Variants in SUPT3H observed in about 807,000 individuals in gnomAD.
SUPT3H encodes transcription initiation protein SPT3 homolog.
Under a neutral mutation model 44.3 loss-of-function variants are expected in SUPT3H, and 44 were observed. That is an observed-to-expected ratio of 0.99 (90% confidence interval 0.78 to 1.28). The LOEUF (loss-of-function observed/expected upper bound fraction) is 1.28. Ranked by LOEUF, SUPT3H falls within the 50% of genes most tolerant of loss-of-function variation. The pLI is 0.00. For missense variants in SUPT3H, 380 were observed against 387.1 expected (o/e 0.98, Z 0.15); for synonymous variants, 124 against 125.6 (o/e 0.99, Z 0.09).
chr6:45,353,222 G>A (rs892714760), intron 2 of SUPT3H, among the ~76,000 whole-genome samples: 1 of 151,814 alleles, frequency 6.6e-6, no homozygotes, highest in Non-Finnish European at 1.5e-5. Context: ...GCAAAAAGCA[G>A]AAAAAGAAAA....
chr6:45,337,823 T>C (rs1217868418), intron 2 of SUPT3H, among the ~76,000 whole-genome samples: 1 of 151,980 alleles, frequency 6.6e-6, no homozygotes, highest in African/African-American at 2.4e-5. Context: ...TAAATAATTC[T>C]TTTTGCGAAA....
At chr6:45,344,490 G>C (rs1334350599) in intron 2 of SUPT3H, among the ~76,000 whole-genome samples, 1 of 151,630 alleles carries the variant, frequency 6.6e-6, no homozygotes, top group Non-Finnish European at 1.5e-5. Flanking sequence ...TAAATATCCA[G>C]TGGAGAGCCC....
chr6:44,890,832 A>C (rs920279302), intron 10 of SUPT3H, among the ~76,000 whole-genome samples: 2 of 152,102 alleles, frequency 1.3e-5, no homozygotes, highest in Non-Finnish European at 2.9e-5. Flanking sequence ...GGATGAGTTC[A>C]TGTCCTTTGC....
chr6:45,093,024 A>T (rs1015663365), intron 3 of SUPT3H, among the ~76,000 whole-genome samples: 2 of 152,068 alleles, frequency 1.3e-5, no homozygotes, highest in Non-Finnish European at 2.9e-5. Context: ...CATCTAACAC[A>T]ATGTAGTAAA....
intron 6 of SUPT3H, among the ~76,000 whole-genome samples, chr6:44,996,621 T>G (rs1781306848): frequency 6.6e-6 from 1 of 151,880 alleles, no homozygotes; most frequent in South Asian, 2.1e-4. Context: ...AGAAACTTCT[T>G]AAAAGTTTGA....
intron 4 of SUPT3H, among the ~76,000 whole-genome samples, chr6:45,015,110 G>C (rs1326764877): frequency 6.6e-6 from 1 of 152,050 alleles, no homozygotes; most frequent in African/African-American, 2.4e-5. Flanking sequence ...CAAATATTCG[G>C]ATGTTCCAGA....
intron 2 of SUPT3H, among the ~76,000 whole-genome samples, chr6:45,237,350 T>C (rs1185178287): frequency 6.6e-6 from 1 of 152,148 alleles, no homozygotes; most frequent in African/African-American, 2.4e-5. Context: ...AGTAGTTACA[T>C]TTTGCATTGT....
At chr6:45,112,954 GC>G (rs1800287657) in intron 2 of SUPT3H, among the ~76,000 whole-genome samples, 3 of 144,214 alleles carry the variant, frequency 2.1e-5, no homozygotes, top group African/African-American at 7.5e-5. Context: ...GGTCTTGGGA[GC>G]TAGTCACTTT....
chr6:45,029,102 T>C (rs1457632829), intron 3 of SUPT3H, among the ~76,000 whole-genome samples: 1 of 151,694 alleles, frequency 6.6e-6, no homozygotes, highest in Non-Finnish European at 1.5e-5. Context: ...ATAATCGTAT[T>C]ATTCTTTTTT....
intron 3 of SUPT3H, among the ~76,000 whole-genome samples, chr6:45,058,254 T>C (rs1055245801): frequency 1.3e-5 from 2 of 152,118 alleles, no homozygotes; most frequent in Middle Eastern, 3.2e-3. Context: ...ACCAGACTCT[T>C]AGTCCTAGAA....
At chr6:44,980,485 C>T (rs1778951489) in intron 6 of SUPT3H, among the ~76,000 whole-genome samples, 1 of 152,134 alleles carries the variant, frequency 6.6e-6, no homozygotes, top group Admixed American at 6.5e-5. Context: ...TCATTGGCCA[C>T]AACTCAGTCG....
At chr6:45,098,860 G>C (rs1583526290) in intron 3 of SUPT3H, 1 of 549,450 alleles carries the variant, frequency 1.8e-6, no homozygotes, top group East Asian at 4.8e-5. Flanking sequence ...AGTGGCTGCT[G>C]AGAAGTCCTT....
At chr6:45,023,505 T>C (rs1485184434) in intron 3 of SUPT3H, among the ~76,000 whole-genome samples, 2 of 152,004 alleles carry the variant, frequency 1.3e-5, no homozygotes, top group Non-Finnish European at 2.9e-5. Context: ...CTGTTCACAA[T>C]AACAAGGACA....
intron 3 of SUPT3H, among the ~76,000 whole-genome samples, chr6:45,090,049 G>A (rs1451416302): frequency 6.6e-6 from 1 of 151,994 alleles, no homozygotes; most frequent in Non-Finnish European, 1.5e-5. Context: ...GATCAGAGGT[G>A]ATATAATATC....
chr6:45,037,078 C>T (rs1289813951), intron 3 of SUPT3H, among the ~76,000 whole-genome samples: 1 of 151,712 alleles, frequency 6.6e-6, no homozygotes. Flanking sequence ...ACATAGAAAA[C>T]TAAACAAAGG....
chr6:45,256,854 A>T (rs537206556), intron 2 of SUPT3H, among the ~76,000 whole-genome samples: 1 of 152,204 alleles, frequency 6.6e-6, no homozygotes, highest in East Asian at 1.9e-4. Flanking sequence ...AACATTTGGG[A>T]TGTTTCAACC....
rs1299466800 is a variant in SUPT3H, at chr6:44,962,597, G to A, written c.505-769C>T. Among the ~76,000 whole-genome samples the A allele has an allele frequency of 4.1e-5, 6 of 146,310 alleles. No individual in the cohort carries two copies. In the South Asian group the frequency reaches 1.3e-3, roughly 31 times the overall value. On this transcript the variant is annotated intron_variant, in intron 6 of 10. Transcript: ENST00000371459. The stretch of plus-strand genomic sequence containing the variant: ...TGAGATTTAATTTTTTTTTTCTGTT[G>A]TGGAAGAACTTTCAGCAAGTTACCT...
At chr6:44,947,694 T>G (rs972150445) in intron 9 of SUPT3H, among the ~76,000 whole-genome samples, 1 of 151,972 alleles carries the variant, frequency 6.6e-6, no homozygotes, top group East Asian at 1.9e-4. Flanking sequence ...TAAACACAAA[T>G]GAAACTCCAA....
intron 2 of SUPT3H, among the ~76,000 whole-genome samples, chr6:45,163,447 G>T (rs1809357898): frequency 6.6e-6 from 1 of 152,070 alleles, no homozygotes; most frequent in Non-Finnish European, 1.5e-5. Flanking sequence ...ATAATCAACT[G>T]CCAGTAAATA....
Sources: allele counts gnomAD v4.1 joint callset (sites outside exome capture counted in the v4.1 genomes callset), GRCh38; gene constraint gnomAD v4.1.1; transcripts MANE v1.5; gene names NCBI Gene and HGNC (gene_info 2026-07-23, HGNC 2026-07-21).